Variants in SYNGR1 observed in about 807,000 individuals in gnomAD.
The protein encoded by SYNGR1 is synaptogyrin 1.
In SYNGR1, 14 loss-of-function variants were observed where a neutral mutation model predicts 26.1. That is an observed-to-expected ratio of 0.54 (90% CI 0.35 to 0.84). The LOEUF is 0.84. Among genes scored for constraint, SYNGR1 ranks in the 40% least tolerant of loss-of-function variants. The pLI, the probability that SYNGR1 is intolerant of heterozygous loss-of-function variation, is 0.01. For missense variants in SYNGR1, 319 were observed against 332.9 expected (o/e 0.96, Z 0.33); for synonymous variants, 141 against 150.1 (o/e 0.94, Z 0.44).
chr22:39,352,906 G>C (rs1306447326), intron 1 of SYNGR1, among the ~76,000 whole-genome samples: 2 of 152,086 alleles, frequency 1.3e-5, no homozygotes, highest in African/African-American at 4.8e-5. Flanking sequence ...CTGTTGCCCA[G>C]GCTGGAGTAC....
rs1422336336 is a variant in SYNGR1 at position 39,358,785 on chromosome 22, G to T, written c.99+8676G>T. Among the ~76,000 whole-genome samples, 3 of 152,034 alleles carry T rather than the reference G, an allele frequency of 2.0e-5. No individual in the cohort carries two copies. In the East Asian group the frequency reaches 5.8e-4, roughly 29 times the overall value. On this transcript the variant is annotated intron_variant, in intron 1 of 3. Coordinates refer to ENST00000328933, the MANE Select transcript of SYNGR1 (RefSeq NM_004711.5). ...GTGAGACCAAGAACCCACCAATTCCGGACACAAGAGCAGAGCAGACGGCAT... is the reference window on the plus strand; with the variant it reads ...GTGAGACCAAGAACCCACCAATTCCTGACACAAGAGCAGAGCAGACGGCAT...
chr22:39,349,995 C>G lies in SYNGR1; in HGVS notation c.-16C>G, dbSNP rs757407643. The G allele has an allele frequency of 2.9e-5, 34 of 1,184,742 alleles. No homozygotes were observed. The Middle Eastern group carries it at 1.9e-3, about 67-fold the overall frequency. 73.4% of individuals were successfully genotyped at this position (1,184,742 alleles called of 1,614,324 possible). On this transcript the variant is annotated 5_prime_UTR_variant, in exon 1 of 4. Transcript: ENST00000328933. ...GGCGCGCGCCGAGCGGGGGGCACCG[C>G]GCGGGTGCAGCCACGATGGAAGGGG...
chr22:39,368,063 A>G (rs1367493818), intron 1 of SYNGR1, among the ~76,000 whole-genome samples: 1 of 152,092 alleles, frequency 6.6e-6, no homozygotes, highest in South Asian at 2.1e-4. Flanking sequence ...GCCCTGCTTC[A>G]GGGCCCTTTT....
intron 1 of SYNGR1, among the ~76,000 whole-genome samples, chr22:39,359,818 G>C (rs937180800): frequency 6.6e-6 from 1 of 151,938 alleles, no homozygotes; most frequent in Non-Finnish European, 1.5e-5. Flanking sequence ...CTGGACCCTA[G>C]CTAGGCCTGG....
At chr22:39,353,198 A>AT (rs138341773) in intron 1 of SYNGR1, among the ~76,000 whole-genome samples, 7 of 151,352 alleles carry the variant, frequency 4.6e-5, no homozygotes, top group South Asian at 2.1e-4. Flanking sequence ...TAAAAGAAAG[A>AT]TTTTTTTTTC....
intron 1 of SYNGR1, among the ~76,000 whole-genome samples, chr22:39,357,406 T>G (rs1042119371): frequency 2.0e-5 from 3 of 152,178 alleles, no homozygotes; most frequent in African/African-American, 7.2e-5. Context: ...TGCTCTCGGC[T>G]CCTCCTCTGC....
At chr22:39,374,915 G>C (rs747758123) in intron 2 of SYNGR1, 5 of 359,010 alleles carry the variant, frequency 1.4e-5, no homozygotes, top group Non-Finnish European at 2.7e-5. Flanking sequence ...ACTAAGCAAG[G>C]CGGTGACTGG....
intron 1 of SYNGR1, among the ~76,000 whole-genome samples, chr22:39,355,352 C>T (rs1924099029): frequency 6.6e-6 from 1 of 152,260 alleles, no homozygotes; most frequent in Admixed American, 6.5e-5. Context: ...CCGGGCACAG[C>T]CCTGTCACCT....
chr22:39,372,224 T>C (rs1286911121), intron 1 of SYNGR1, among the ~76,000 whole-genome samples: 1 of 145,990 alleles, frequency 6.8e-6, no homozygotes. Context: ...CTCCACCTCC[T>C]GGGTTCAAGC....
At chr22:39,353,893 C>G (rs1445991434) in intron 1 of SYNGR1, among the ~76,000 whole-genome samples, 1 of 152,128 alleles carries the variant, frequency 6.6e-6, no homozygotes, top group Non-Finnish European at 1.5e-5. Flanking sequence ...GAGATGGAGT[C>G]TCGCTCTGTC....
Position 39,382,443 on chromosome 22 carries a change from T to G in SYNGR1, c.*529T>G. On this transcript the variant is annotated 3_prime_UTR_variant, in exon 4 of 4. Coordinates refer to ENST00000328933, the MANE Select transcript of SYNGR1 (RefSeq NM_004711.5). ...AGTCCTGCTAAGAGTGTCAGGGCCG[T>G]CTCCATTTTATGGTTGAGGAAACTG... 1.2e-5 allele frequency: 2 copies of G among 172,192 alleles called. No homozygotes were observed. The highest frequency in any genetic ancestry group is 1.5e-4 in the East Asian group (1 of 6,594). The allele number at this position is 172,192 out of a possible 1,614,324, so 10.7% of individuals were successfully genotyped here.
chr22:39,385,371 CTG>C lies in SYNGR1; in HGVS notation c.*3470_*3471del, dbSNP rs372834958. ...ATAATATAAGGCTCCACAAATATAT[CTG>C]TGTGTGTGTGTGCGTGTGTGTGCGG... On this transcript the variant is annotated 3_prime_UTR_variant, in exon 4 of 4. Coordinates refer to ENST00000328933, the MANE Select transcript of SYNGR1 (RefSeq NM_004711.5). 11 of 153,150 alleles carry C rather than the reference CTG, an allele frequency of 7.2e-5. No individual in the cohort carries two copies. In the East Asian group the frequency reaches 7.5e-4, roughly 10 times the overall value. 9.5% of individuals were successfully genotyped at this position (153,150 alleles called of 1,614,324 possible). A position where few individuals can be genotyped will look rare whatever the true frequency, so the allele number is the denominator to read the frequency against.
At chr22:39,377,765 G>T (rs1294583508) in intron 3 of SYNGR1, 31 of 1,574,194 alleles carry the variant, frequency 2.0e-5, no homozygotes, top group Non-Finnish European at 2.7e-5. Context: ...CCTAGTGCCA[G>T]AAATGTCCAA....
In SYNGR1 at chr22:39,362,890, C is replaced by T. The variant is rs377674898; in HGVS notation, c.100-11426C>T. Among the ~76,000 whole-genome samples the T allele has an allele frequency of 2.0e-4, 30 of 152,264 alleles. 1 individual carries two copies. The East Asian group carries it at 2.9e-3, about 15-fold the overall frequency. ...CTACTCCCCTCAAAGCCTTTCCTGACCCTCTCCCTGGGTCTGGGGGAGAGA... is the reference window on the plus strand; with the variant it reads ...CTACTCCCCTCAAAGCCTTTCCTGATCCTCTCCCTGGGTCTGGGGGAGAGA... On this transcript the variant is annotated intron_variant, in intron 1 of 3. Coordinates refer to ENST00000328933, the MANE Select transcript of SYNGR1 (RefSeq NM_004711.5).
chr22:39,383,104 GACACT>G lies in SYNGR1; in HGVS notation c.*1192_*1196del, dbSNP rs1289154230. The stretch of plus-strand genomic sequence containing the variant: ...CTCCCAGGAAACAGAACTGATCTGG[GACACT>G]ATGTCACCTCTCCTCTCATCTGGGG... On this transcript the variant is annotated 3_prime_UTR_variant, in exon 4 of 4. Transcript: ENST00000328933. 5 of 151,792 alleles carry G rather than the reference GACACT, an allele frequency of 3.3e-5. No individual in the cohort carries two copies. Among genetic ancestry groups the G allele is most frequent in the Admixed American group, 3.3e-4 (5 of 15,282 alleles). 9.4% of individuals were successfully genotyped at this position (151,792 alleles called of 1,614,324 possible). A position where few individuals can be genotyped will look rare whatever the true frequency, so the allele number is the denominator to read the frequency against.
At chr22:39,364,574 G>C (rs1924643008) in intron 1 of SYNGR1, among the ~76,000 whole-genome samples, 3 of 152,154 alleles carry the variant, frequency 2.0e-5, no homozygotes, top group African/African-American at 7.2e-5. Context: ...CTGGGAAGTG[G>C]GTTGTCCCTG....
intron 1 of SYNGR1, among the ~76,000 whole-genome samples, chr22:39,361,118 G>C (rs1420566934): frequency 6.6e-6 from 1 of 152,190 alleles, no homozygotes; most frequent in African/African-American, 2.4e-5. Flanking sequence ...TCCCCTCCCT[G>C]CTTCCCTTGG....
At chr22:39,377,176 C>A in intron 3 of SYNGR1, 1 of 1,461,854 alleles carries the variant, frequency 6.8e-7, no homozygotes, top group Non-Finnish European at 9.0e-7. Context: ...TTCCCCCATC[C>A]TTCTGGTTTG....
chr22:39,378,365 G>A, intron 3 of SYNGR1: 3 of 913,076 alleles, frequency 3.3e-6, no homozygotes, highest in Non-Finnish European at 3.9e-6. Context: ...ATAAATGTAA[G>A]CTCTTTTGTT....
Sources: gnomAD v4.1 joint callset for allele counts (sites outside exome capture counted in the v4.1 genomes callset) on GRCh38, gnomAD v4.1.1 for gene constraint, MANE v1.5 for transcripts, NCBI Gene and HGNC (gene_info 2026-07-23, HGNC 2026-07-21) for gene names.